The following DTWD2 variants were observed in gnomAD, a reference collection of about 807,000 sequenced individuals.
The protein encoded by DTWD2 is tRNA-uridine aminocarboxypropyltransferase 2.
A neutral mutation model predicts 31.8 loss-of-function variants in DTWD2; 39 were observed. The ratio of observed to expected loss-of-function variants is 1.22; its 90% CI spans 0.95 to 1.60. The LOEUF (loss-of-function observed/expected upper bound fraction) is 1.60. DTWD2 is among the 40% of genes most tolerant of loss of function. DTWD2 has a pLI of 0.00. For missense variants in DTWD2, 515 were observed against 381.5 expected, an observed-to-expected ratio of 1.35 and a Z score of -2.92; for synonymous variants, 180 against 142.8, an observed-to-expected ratio of 1.26 and a Z score of -1.86.
rs1554064416 is a variant in DTWD2 at position 118,885,153 on chromosome 5, T to TA, written c.598-36936dup. On this transcript the variant is annotated intron_variant, in intron 4 of 5. Transcript: ENST00000510708. ...GGGAGATGAAGTCTCTACAAAAAAT[T>TA]AAAAAAAAAAAAAAAATTGGCCGGG... Among the ~76,000 whole-genome samples the TA allele has an allele frequency of 9.0e-3, 1,192 of 132,574 alleles. 11 individuals are homozygous for TA. The highest frequency in any genetic ancestry group is 0.039 in the Middle Eastern group (10 of 254). 87.0% of individuals were successfully genotyped at this position (132,574 alleles called of 152,430 possible). A position where few individuals can be genotyped will look rare whatever the true frequency, so the allele number is the denominator to read the frequency against.
chr5:118,975,685 C>T lies in DTWD2; in HGVS notation c.218+12609G>A, dbSNP rs183922530. Among the ~76,000 whole-genome samples the T allele has an allele frequency of 9.7e-4, 147 of 152,128 alleles. 2 individuals carry two copies. Among genetic ancestry groups the T allele is most frequent in the African/African-American group, 3.2e-3 (131 of 41,516 alleles). ...GGATTTATCTACCTTTGGTCTTTGA[C>T]GCTGGTGACCTTTGGATGGGGTTTC... On this transcript the variant is annotated intron_variant, in intron 1 of 5. Coordinates refer to ENST00000510708, the MANE Select transcript of DTWD2 (RefSeq NM_173666.4).
At chr5:118,908,966 A>G (rs2149569817) in intron 4 of DTWD2, among the ~76,000 whole-genome samples, 1 of 152,320 alleles carries the variant, frequency 6.6e-6, no homozygotes, top group East Asian at 1.9e-4. Flanking sequence ...GCCCAAAAAT[A>G]ACTGCCCAAA....
At chr5:118,908,556 G>T (rs942463323) in intron 4 of DTWD2, among the ~76,000 whole-genome samples, 2 of 151,612 alleles carry the variant, frequency 1.3e-5, no homozygotes, top group Non-Finnish European at 2.9e-5. Flanking sequence ...AATAACAAAT[G>T]AGTAAATTCA....
chr5:118,979,390 A>G (rs1171270339), intron 1 of DTWD2, among the ~76,000 whole-genome samples: 2 of 152,136 alleles, frequency 1.3e-5, no homozygotes. Flanking sequence ...AAAAAAGAAC[A>G]CTTTTATACT....
At chr5:118,862,329 A>G (rs1752280278) in intron 4 of DTWD2, among the ~76,000 whole-genome samples, 1 of 152,218 alleles carries the variant, frequency 6.6e-6, no homozygotes, top group Admixed American at 6.5e-5. Flanking sequence ...AAGAACAGCT[A>G]GAAAGCTGGA....
chr5:118,971,050 C>G (rs1429431031), intron 1 of DTWD2, among the ~76,000 whole-genome samples: 2 of 152,188 alleles, frequency 1.3e-5, no homozygotes, highest in Non-Finnish European at 2.9e-5. Flanking sequence ...GTACGCAAAT[C>G]AGTGACACTA....
At chr5:118,901,001 G>C (rs1753199252) in intron 4 of DTWD2, among the ~76,000 whole-genome samples, 1 of 150,858 alleles carries the variant, frequency 6.6e-6, no homozygotes, top group Non-Finnish European at 1.5e-5. Context: ...CAGTGATAAT[G>C]ATTATCAGAA....
chr5:118,893,966 C>T (rs1390761192), intron 4 of DTWD2, among the ~76,000 whole-genome samples: 2 of 150,960 alleles, frequency 1.3e-5, no homozygotes, highest in African/African-American at 4.9e-5. Flanking sequence ...GATTTTAGTC[C>T]AGTGAGAAGG....
chr5:118,941,047 A>G (rs921465438), intron 2 of DTWD2, among the ~76,000 whole-genome samples: 5 of 152,134 alleles, frequency 3.3e-5, no homozygotes, highest in Non-Finnish European at 5.9e-5. Flanking sequence ...ATGCTCCATC[A>G]TATCACCTCC....
In DTWD2 at chr5:118,836,910, G is replaced by A. The variant is rs1165570651; in HGVS notation, c.*4007C>T. 6.6e-6 allele frequency among the ~76,000 whole-genome samples: 1 copy of A among 152,192 alleles called. No individual in the cohort carries two copies. Among genetic ancestry groups the A allele is most frequent in the Non-Finnish European group, 1.5e-5 (1 of 68,030 alleles). On this transcript the variant is annotated 3_prime_UTR_variant, in exon 6 of 6. Transcript: ENST00000510708. ...AGCTATCCAGTCTCTGGTATTCTGA[G>A]AGAGCAGCCAGAATGGACTAAGACA...
chr5:118,869,259 T>C (rs1327661986), intron 4 of DTWD2, among the ~76,000 whole-genome samples: 2 of 152,106 alleles, frequency 1.3e-5, no homozygotes, highest in Non-Finnish European at 2.9e-5. Flanking sequence ...AAAAGAGATA[T>C]CAGTTGATCA....
In DTWD2 at chr5:118,923,357, A is replaced by G. The variant is rs1233264901; in HGVS notation, c.597+5180T>C. Among the ~76,000 whole-genome samples the G allele has an allele frequency of 2.0e-5, 3 of 152,192 alleles. 1 individual carries two copies. The highest frequency in any genetic ancestry group is 2.0e-4 in the Admixed American group (3 of 15,272). On this transcript the variant is annotated intron_variant, in intron 4 of 5. Coordinates refer to ENST00000510708, the MANE Select transcript of DTWD2 (RefSeq NM_173666.4). ...CTACTAACATTAAAGTGTTAGTTGA[A>G]TGCAGATGCCAGGGAGAAAAAACTT...
chr5:118,884,291 C>T (rs562974241), intron 4 of DTWD2, among the ~76,000 whole-genome samples: 8 of 152,274 alleles, frequency 5.3e-5, no homozygotes, highest in African/African-American at 1.9e-4. Flanking sequence ...TTCTTCACTC[C>T]CATTGGCTAC....
At chr5:118,950,875 G>C (rs998994679) in intron 1 of DTWD2, among the ~76,000 whole-genome samples, 2 of 152,096 alleles carry the variant, frequency 1.3e-5, no homozygotes, top group African/African-American at 4.8e-5. Context: ...CCTGTTGTGG[G>C]GTTTGAGGGC....
At chr5:118,848,688 A>G (rs1392028014) in intron 4 of DTWD2, among the ~76,000 whole-genome samples, 1 of 152,190 alleles carries the variant, frequency 6.6e-6, no homozygotes, top group Non-Finnish European at 1.5e-5. Context: ...ATATAAACCA[A>G]TGAAACAGAA....
At chr5:118,920,913 G>A (rs1390804662) in intron 4 of DTWD2, among the ~76,000 whole-genome samples, 1 of 152,170 alleles carries the variant, frequency 6.6e-6, no homozygotes, top group African/African-American at 2.4e-5. Context: ...AACCCAGTAA[G>A]AGAAGTGAGT....
At chr5:118,951,964 G>T (rs538599905) in intron 1 of DTWD2, among the ~76,000 whole-genome samples, 1 of 152,280 alleles carries the variant, frequency 6.6e-6, no homozygotes, top group Admixed American at 6.5e-5. Flanking sequence ...GGAGTTTTAG[G>T]TTCACGGATA....
At chr5:118,964,786 G>A (rs1754792021) in intron 1 of DTWD2, among the ~76,000 whole-genome samples, 1 of 152,124 alleles carries the variant, frequency 6.6e-6, no homozygotes, top group African/African-American at 2.4e-5. Flanking sequence ...ATCTCGGCTC[G>A]CTACAACCTC....
intron 4 of DTWD2, among the ~76,000 whole-genome samples, chr5:118,895,945 A>T (rs1753076153): frequency 6.6e-6 from 1 of 152,228 alleles, no homozygotes; most frequent in Non-Finnish European, 1.5e-5. Flanking sequence ...AAAATTATAT[A>T]ATTCATACAA....
Sources: gnomAD v4.1 joint callset for allele counts (sites outside exome capture counted in the v4.1 genomes callset) on GRCh38, gnomAD v4.1.1 for gene constraint, MANE v1.5 for transcripts, NCBI Gene and HGNC (gene_info 2026-07-23, HGNC 2026-07-21) for gene names.